The following MYDGF variants were observed in gnomAD, a reference collection of about 807,000 sequenced individuals.
MYDGF encodes myeloid derived growth factor.
Under a neutral mutation model 24.2 loss-of-function variants are expected in MYDGF, and 29 were observed. That is an observed-to-expected ratio of 1.20 (90% confidence interval 0.89 to 1.63). The LOEUF is 1.63. Ranked by LOEUF, MYDGF falls within the 40% of genes most tolerant of loss-of-function variation. The probability of loss-of-function intolerance (pLI) is 0.00; values close to 1 mark genes in which losing one functional copy is unlikely to be tolerated. For synonymous variants in MYDGF, 105 were observed against 102.5 expected (o/e 1.02, Z -0.15); for missense variants, 245 against 234.8 (o/e 1.04, Z -0.29).
At chr19:4,661,340 G>A (rs1260322900) in intron 3 of MYDGF, among the ~76,000 whole-genome samples, 1 of 152,118 alleles carries the variant, frequency 6.6e-6, no homozygotes, top group Non-Finnish European at 1.5e-5. Flanking sequence ...GCTGCTCTGG[G>A]ACAGGACCCC....
intron 2 of MYDGF, among the ~76,000 whole-genome samples, chr19:4,667,429 G>A (rs2088530471): frequency 6.6e-6 from 1 of 151,230 alleles, no homozygotes; most frequent in Non-Finnish European, 1.5e-5. Context: ...CGCCTGGCTC[G>A]CCCGGCTAAT....
chr19:4,666,466 G>C (rs1054512620), intron 2 of MYDGF, among the ~76,000 whole-genome samples: 2 of 151,774 alleles, frequency 1.3e-5, no homozygotes, highest in African/African-American at 2.4e-5. Context: ...AGTAGAGATG[G>C]GGTTTCACCA....
Position 4,657,847 on chromosome 19 carries a change from G to A in MYDGF, c.*158C>T. The A allele has an allele frequency of 1.6e-6, 1 of 632,598 alleles. No individual in the cohort carries two copies. Among genetic ancestry groups the A allele is most frequent in the South Asian group, 2.2e-5 (1 of 46,076 alleles). The allele number at this position is 632,598 out of a possible 1,614,324, so 39.2% of individuals were successfully genotyped here. Reference sequence around the variant, plus strand: ...CTCTGTTCTCTGCCCCAGGGCTTCAGCCACCCTGCAAGCCCCTCCGGACAA... The same window carrying A: ...CTCTGTTCTCTGCCCCAGGGCTTCAACCACCCTGCAAGCCCCTCCGGACAA... On this transcript the variant is annotated 3_prime_UTR_variant, in exon 6 of 6. Coordinates refer to ENST00000262947, the MANE Select transcript of MYDGF (RefSeq NM_019107.4).
In MYDGF at chr19:4,657,595, T is replaced by C. The variant is rs1435321107; in HGVS notation, c.*410A>G. 1 of 157,942 alleles carries C rather than the reference T, an allele frequency of 6.3e-6. No homozygotes were observed. The highest frequency in any genetic ancestry group is 1.4e-5 in the Non-Finnish European group (1 of 71,946). 9.8% of individuals were successfully genotyped at this position (157,942 alleles called of 1,614,324 possible). ...TAAATATGAAAAAACATTTCATCTCTTCCCAGTTCATCTGAAAGGAGGTCC... is the reference window on the plus strand; with the variant it reads ...TAAATATGAAAAAACATTTCATCTCCTCCCAGTTCATCTGAAAGGAGGTCC... On this transcript the variant is annotated 3_prime_UTR_variant, in exon 6 of 6. Coordinates refer to ENST00000262947, the MANE Select transcript of MYDGF (RefSeq NM_019107.4).
chr19:4,660,871 A>G, intron 3 of MYDGF, 121 bp from the exon 4 acceptor site: 1 of 651,882 alleles, frequency 1.5e-6, no homozygotes, highest in Non-Finnish European at 2.5e-6. Context: ...CCTGCTTCTC[A>G]ACATGGACGC....
At chr19:4,666,130 CA>C (rs1437635316) in intron 2 of MYDGF, among the ~76,000 whole-genome samples, 1 of 152,034 alleles carries the variant, frequency 6.6e-6, no homozygotes, top group Non-Finnish European at 1.5e-5. Flanking sequence ...CCAGCCTGGG[CA>C]ACATAGCGAG....
At chr19:4,668,473 A>G (rs1199161963) in intron 2 of MYDGF, 122 bp downstream of exon 2, 5 of 762,368 alleles carry the variant, frequency 6.6e-6, no homozygotes, top group African/African-American at 1.8e-5. Context: ...TGGTTTAGGA[A>G]GAGTCATTCA....
At chr19:4,661,975 G>C (rs1466715734) in intron 3 of MYDGF, among the ~76,000 whole-genome samples, 1 of 152,144 alleles carries the variant, frequency 6.6e-6, no homozygotes, top group Non-Finnish European at 1.5e-5. Context: ...GACAGACGAT[G>C]GCGACCGTGG....
chr19:4,666,080 G>A (rs1207964932), intron 2 of MYDGF, among the ~76,000 whole-genome samples: 1 of 151,688 alleles, frequency 6.6e-6, no homozygotes, highest in East Asian at 2.0e-4. Context: ...CACTTTGGGA[G>A]GCCAACGTGG....
At chr19:4,659,377 C>T (rs2088451177) in intron 5 of MYDGF, among the ~76,000 whole-genome samples, 1 of 152,114 alleles carries the variant, frequency 6.6e-6, no homozygotes. Context: ...GTGCGCACCA[C>T]CACGCCTGGC....
chr19:4,661,186 G>A (rs1025411890), intron 3 of MYDGF, among the ~76,000 whole-genome samples: 3 of 152,166 alleles, frequency 2.0e-5, no homozygotes, highest in Middle Eastern at 3.4e-3. Flanking sequence ...AGCCTGGCCT[G>A]AACCCCTGAC....
intron 2 of MYDGF, among the ~76,000 whole-genome samples, chr19:4,666,814 C>G (rs1270575048): frequency 1.3e-5 from 2 of 152,062 alleles, no homozygotes; most frequent in African/African-American, 2.4e-5. Flanking sequence ...ACCTGTAATC[C>G]CAGCACTTTG....
intron 3 of MYDGF, among the ~76,000 whole-genome samples, chr19:4,664,063 G>A (rs995693374): frequency 1.3e-5 from 2 of 151,914 alleles, no homozygotes; most frequent in African/African-American, 4.8e-5. Context: ...AGTGAGAGAC[G>A]CCAGACACCA....
intron 3 of MYDGF, among the ~76,000 whole-genome samples, chr19:4,662,003 G>A (rs972351846): frequency 6.6e-6 from 1 of 152,174 alleles, no homozygotes; most frequent in Non-Finnish European, 1.5e-5. Context: ...CAAGACTACA[G>A]GGCGGCCTCT....
chr19:4,666,336 T>C (rs936307463), intron 2 of MYDGF, among the ~76,000 whole-genome samples: 22 of 150,924 alleles, frequency 1.5e-4, no homozygotes, highest in Admixed American at 6.0e-4. Flanking sequence ...AGTGCAGTGG[T>C]GCGATCTCAG....
At chr19:4,664,188 G>A (rs938117550) in intron 3 of MYDGF, among the ~76,000 whole-genome samples, 1 of 152,108 alleles carries the variant, frequency 6.6e-6, no homozygotes, top group Non-Finnish European at 1.5e-5. Flanking sequence ...GAATGACTCT[G>A]ATGGGAACAG....
In MYDGF at chr19:4,670,031, C is replaced by T. The variant is rs1424190907; in HGVS notation, c.174+130G>A. The T allele has an allele frequency of 3.7e-6, 4 of 1,076,512 alleles. No homozygotes were observed. The African/African-American group carries it at 5.0e-5, about 13-fold the overall frequency. The allele number at this position is 1,076,512 out of a possible 1,614,324, so 66.7% of individuals were successfully genotyped here. The stretch of plus-strand genomic sequence containing the variant: ...CCCCCCACTCAGCCTCCGACCCTAA[C>T]AATCCGCACCCCTTCTTCAGTACCC... On this transcript the variant is annotated intron_variant, in intron 1 of 5. Coordinates refer to ENST00000262947, the MANE Select transcript of MYDGF (RefSeq NM_019107.4).
intron 3 of MYDGF, 82 bp from the exon 4 acceptor site, chr19:4,660,832 G>A (rs1196442763): frequency 1.6e-6 from 2 of 1,224,062 alleles, no homozygotes; most frequent in African/African-American, 1.5e-5. Context: ...CCCCGCCAGG[G>A]ACTCGGGCTG....
chr19:4,658,138 C>T, intron 5 of MYDGF, 54 bp from the exon 6 acceptor site: 1 of 1,523,368 alleles, frequency 6.6e-7, no homozygotes, highest in Non-Finnish European at 8.9e-7. Context: ...TCTCAGAAGT[C>T]CGGAGGATTT....
Sources: gnomAD v4.1 joint callset for allele counts (sites outside exome capture counted in the v4.1 genomes callset) on GRCh38, gnomAD v4.1.1 for gene constraint, MANE v1.5 for transcripts, NCBI Gene and HGNC (gene_info 2026-07-23, HGNC 2026-07-21) for gene names.